Variants in TBC1D4 observed in about 807,000 individuals in gnomAD.
TBC1D4 encodes TBC (Tre-2, BUB2, CDC16) domain-containing protein.
TBC1D4 carries 121 observed loss-of-function variants against 142.5 expected under a neutral mutation model. The ratio of observed to expected loss-of-function variants is 0.85; its 90% CI spans 0.73 to 0.99. TBC1D4 has a LOEUF of 0.99. Ranked by LOEUF, TBC1D4 falls within the 50% of genes least tolerant of loss-of-function variation. The pLI is 0.00. For missense variants in TBC1D4, 1,475 were observed against 1,606.6 expected (o/e 0.92, Z 1.40); for synonymous variants, 630 against 628.2 (o/e 1.00, Z -0.04).
intron 1 of TBC1D4, among the ~76,000 whole-genome samples, chr13:75,453,786 CG>C (rs893229932): frequency 3.2e-4 from 49 of 150,902 alleles, no homozygotes; most frequent in African/African-American, 1.1e-3. Flanking sequence ...CTCTTGAACC[CG>C]GGAGGCAGAG....
At chr13:75,330,323 G>T (rs549601653) in intron 8 of TBC1D4, among the ~76,000 whole-genome samples, 1 of 151,822 alleles carries the variant, frequency 6.6e-6, no homozygotes, top group African/African-American at 2.4e-5. Context: ...ATCTTGTTTC[G>T]TAAAGCAATA....
chr13:75,453,877 T>A (rs61511456), intron 1 of TBC1D4, among the ~76,000 whole-genome samples: 2 of 151,278 alleles, frequency 1.3e-5, no homozygotes, highest in Admixed American at 1.3e-4. Context: ...AAAAAAAAAA[T>A]TCTTATTTAA....
At chr13:75,371,477 T>G (rs1334760711) in intron 1 of TBC1D4, among the ~76,000 whole-genome samples, 1 of 152,212 alleles carries the variant, frequency 6.6e-6, no homozygotes, top group East Asian at 1.9e-4. Context: ...TGGGAGTTTA[T>G]AGCATTTCTC....
intron 20 of TBC1D4, among the ~76,000 whole-genome samples, chr13:75,288,017 A>T (rs1874872952): frequency 6.6e-6 from 1 of 152,198 alleles, no homozygotes; most frequent in Non-Finnish European, 1.5e-5. Flanking sequence ...ATGGCTACAT[A>T]GCACACATCA....
At chr13:75,418,915 G>C (rs1196200990) in intron 1 of TBC1D4, among the ~76,000 whole-genome samples, 1 of 152,196 alleles carries the variant, frequency 6.6e-6, no homozygotes, top group Non-Finnish European at 1.5e-5. Context: ...AAGGTGGATT[G>C]AAGACTGGGG....
At chr13:75,384,651 A>G (rs1474294203) in intron 1 of TBC1D4, among the ~76,000 whole-genome samples, 2 of 151,914 alleles carry the variant, frequency 1.3e-5, no homozygotes, top group Non-Finnish European at 2.9e-5. Flanking sequence ...TTCAGTGATG[A>G]TAACATATTT....
Position 75,341,149 on chromosome 13 carries a change from G to A in TBC1D4, c.1587C>T (p.His529=), listed in dbSNP as rs61737964. The A allele has an allele frequency of 1.5e-3, 2,389 of 1,613,164 alleles. 32 individuals carry two copies. The African/African-American group carries it at 0.028, about 19-fold the overall frequency. Residue 529 remains histidine (H), a synonymous_variant, in exon 7 of 21, where the codon CAC becomes CAT. Transcript: ENST00000377636. The part of the protein sequence containing the change: ...RQLCEAKQKT[H]VHIGEGPSTI... Reference sequence around the variant, plus strand: ...CAGAAGGGCCTTCCCCGATGTGCACGTGTGTCTTCTGCTTGGCTTCACACA... The same window carrying A: ...CAGAAGGGCCTTCCCCGATGTGCACATGTGTCTTCTGCTTGGCTTCACACA...
intron 1 of TBC1D4, among the ~76,000 whole-genome samples, chr13:75,396,709 A>G (rs1313188311): frequency 6.6e-6 from 1 of 152,156 alleles, no homozygotes; most frequent in African/African-American, 2.4e-5. Flanking sequence ...CAGGAATATA[A>G]GATCAGAAAA....
At chr13:75,472,941 G>C (rs530450406) in intron 1 of TBC1D4, among the ~76,000 whole-genome samples, 7 of 152,314 alleles carry the variant, frequency 4.6e-5, no homozygotes, top group African/African-American at 1.7e-4. Context: ...ACCAAGGCAA[G>C]AGATGAGTTG....
chr13:75,455,391 T>A (rs1335808437), intron 1 of TBC1D4, among the ~76,000 whole-genome samples: 3 of 152,126 alleles, frequency 2.0e-5, no homozygotes, highest in Admixed American at 2.0e-4. Context: ...TGTAATTAAA[T>A]ATATGTAAGC....
Position 75,362,458 on chromosome 13 carries a change from C to T in TBC1D4, c.648G>A (p.Lys216=), listed in dbSNP as rs1443672698. The change falls in exon 2 of 21, where the codon AAG becomes AAA. Residue 216 remains lysine, a synonymous_variant. Transcript: ENST00000377636. The surrounding 1 kb of genome is among the most constrained non-coding windows in gnomAD (Gnocchi z 4.2). ...AGTCATCGATGAGGCTTGAGGGGGC[C>T]TTCTTGTGGGTCACGGTCACCTTTC... ...YCGKVTVTHK[K]APSSLIDDCM... The T allele has an allele frequency of 6.2e-7, 1 of 1,614,090 alleles. No homozygotes were observed. Among genetic ancestry groups the T allele is most frequent in the Non-Finnish European group, 8.5e-7 (1 of 1,180,034 alleles).
intron 1 of TBC1D4, among the ~76,000 whole-genome samples, chr13:75,428,600 T>C (rs2138150176): frequency 6.6e-6 from 1 of 152,304 alleles, no homozygotes; most frequent in East Asian, 1.9e-4. Flanking sequence ...CAGAATCAGG[T>C]GACTGAACAC....
At chr13:75,479,209 G>A (rs370589695) in intron 1 of TBC1D4, among the ~76,000 whole-genome samples, 57 of 152,244 alleles carry the variant, frequency 3.7e-4, no homozygotes, top group African/African-American at 1.3e-3. Flanking sequence ...CTCTAGAGAC[G>A]CTACATCTGG....
At chr13:75,463,210 G>A (rs1408152911) in intron 1 of TBC1D4, among the ~76,000 whole-genome samples, 1 of 151,996 alleles carries the variant, frequency 6.6e-6, no homozygotes, top group East Asian at 1.9e-4. Context: ...TCTCACCAGA[G>A]GTGGTGTCAA....
chr13:75,458,434 T>A (rs558412437), intron 1 of TBC1D4, among the ~76,000 whole-genome samples: 1 of 152,314 alleles, frequency 6.6e-6, no homozygotes, highest in African/African-American at 2.4e-5. Flanking sequence ...GGGCTCGAGG[T>A]AGGGATGTGG....
At chr13:75,417,563 T>C (rs1430921013) in intron 1 of TBC1D4, among the ~76,000 whole-genome samples, 1 of 152,096 alleles carries the variant, frequency 6.6e-6, no homozygotes, top group Non-Finnish European at 1.5e-5. Flanking sequence ...GGGATCAGGA[T>C]AGGTTTAATT....
intron 1 of TBC1D4, among the ~76,000 whole-genome samples, chr13:75,475,540 C>G (rs1343314435): frequency 1.3e-5 from 2 of 152,246 alleles, no homozygotes; most frequent in Non-Finnish European, 2.9e-5. Context: ...TTGCCCAACT[C>G]TACTTCTTTT....
chr13:75,474,410 T>A (rs182824193), intron 1 of TBC1D4, among the ~76,000 whole-genome samples: 1,836 of 152,102 alleles, frequency 0.012, 33 homozygotes, highest in African/African-American at 0.042. Flanking sequence ...ATACAAAAAA[T>A]TAGCCAGGCG....
chr13:75,312,741 G>A lies in TBC1D4; in HGVS notation c.2380C>T (p.Gln794Ter). The change falls in exon 13 of 21, where the codon CAA becomes TAA. Residue 794 changes from glutamine to a stop codon, truncating the protein, a stop_gained. Coordinates refer to ENST00000377636, the MANE Select transcript of TBC1D4 (RefSeq NM_014832.5). LOFTEE classifies it high-confidence loss of function. ...CCTTAGGGAGTGCAACACAGACCTT[G>A]CTGTTGCATTGCTGAGGGAGATTTG... ...MNKSPSAMQQQDGLDRNELLP... is the reference protein window; with the variant it reads ...MNKSPSAMQQ The A allele has an allele frequency of 6.2e-7, 1 of 1,614,140 alleles. No individual in the cohort carries two copies. Among genetic ancestry groups the A allele is most frequent in the Non-Finnish European group, 8.5e-7 (1 of 1,180,020 alleles).
Sources: allele counts gnomAD v4.1 joint callset (sites outside exome capture counted in the v4.1 genomes callset), GRCh38; gene constraint gnomAD v4.1.1; non-coding constraint Gnocchi (gnomAD v3.1); transcripts MANE v1.5; gene names NCBI Gene and HGNC (gene_info 2026-07-23, HGNC 2026-07-21).